The following UTRN variants were observed in gnomAD, a reference collection of about 807,000 sequenced individuals.
UTRN encodes the protein dystrophin-related protein 1.
Under a neutral mutation model 463.9 loss-of-function variants are expected in UTRN, and 283 were observed. That is an observed-to-expected ratio of 0.61 (90% CI 0.55 to 0.67). UTRN has a LOEUF of 0.67. Ranked by LOEUF, UTRN falls within the 30% of genes least tolerant of loss-of-function variation. The pLI is 0.00. For synonymous variants in UTRN, 1,442 were observed against 1,431.5 expected (o/e 1.01, Z -0.17); for missense variants, 3,922 against 4,084.3 (o/e 0.96, Z 1.08).
At chr6:144,841,843 G>C (rs546540895) in intron 73 of UTRN, among the ~76,000 whole-genome samples, 1 of 152,136 alleles carries the variant, frequency 6.6e-6, no homozygotes, top group South Asian at 2.1e-4. Context: ...TGGGCACGGT[G>C]GCTCACACCT....
chr6:144,591,586 G>A (rs1188144000), intron 51 of UTRN, among the ~76,000 whole-genome samples: 1 of 152,164 alleles, frequency 6.6e-6, no homozygotes, highest in Non-Finnish European at 1.5e-5. Context: ...AAGGAAAGAA[G>A]TCGTCTTTAC....
chr6:144,553,002 A>T (rs1389050806), intron 48 of UTRN, among the ~76,000 whole-genome samples: 1 of 152,232 alleles, frequency 6.6e-6, no homozygotes, highest in Non-Finnish European at 1.5e-5. Context: ...GAATGATGAC[A>T]TGTAAGTATA....
intron 65 of UTRN, among the ~76,000 whole-genome samples, chr6:144,807,619 C>T (rs1485845304): frequency 6.6e-6 from 1 of 152,094 alleles, no homozygotes; most frequent in East Asian, 1.9e-4. Context: ...CCCACCTTCT[C>T]ACAAAAACAG....
intron 52 of UTRN, among the ~76,000 whole-genome samples, chr6:144,684,801 C>G (rs1782580714): frequency 6.6e-6 from 1 of 152,154 alleles, no homozygotes; most frequent in South Asian, 2.1e-4. Flanking sequence ...CTGGACCTGT[C>G]TATCTACTGT....
At chr6:144,422,044 A>C in intron 4 of UTRN, 74 bp downstream of exon 4, 1 of 1,226,582 alleles carries the variant, frequency 8.2e-7, no homozygotes, top group Non-Finnish European at 1.1e-6. Context: ...GTGGGTACCC[A>C]TTAAAGTGAA....
intron 50 of UTRN, among the ~76,000 whole-genome samples, chr6:144,564,003 A>T (rs1187745805): frequency 1.3e-5 from 2 of 152,060 alleles, no homozygotes; most frequent in Non-Finnish European, 2.9e-5. Context: ...TTTTGTTTTC[A>T]TTTGTTTCTT....
chr6:144,747,689 G>A (rs1790911684), intron 54 of UTRN, among the ~76,000 whole-genome samples: 1 of 152,192 alleles, frequency 6.6e-6, no homozygotes, highest in African/African-American at 2.4e-5. Flanking sequence ...TCTGTGGGCT[G>A]CAGATGATGC....
chr6:144,699,761 G>A (rs1784398407), intron 52 of UTRN, among the ~76,000 whole-genome samples: 2 of 149,680 alleles, frequency 1.3e-5, no homozygotes, highest in African/African-American at 4.9e-5. Flanking sequence ...AATTTTGATA[G>A]TTATTACCAA....
chr6:144,402,509 T>C (rs1387015107), intron 2 of UTRN, among the ~76,000 whole-genome samples: 1 of 152,164 alleles, frequency 6.6e-6, no homozygotes, highest in Admixed American at 6.5e-5. Flanking sequence ...GAATTTGTAA[T>C]CAAAACCAAA....
chr6:144,842,960 G>A (rs978353604), intron 73 of UTRN, among the ~76,000 whole-genome samples: 10 of 152,146 alleles, frequency 6.6e-5, no homozygotes, highest in African/African-American at 9.7e-5. Flanking sequence ...TGTAACCACA[G>A]TAATAGATAA....
rs765603528 is a variant in UTRN at position 144,426,296 on chromosome 6, G to A, written c.415G>A (p.Val139Ile). 3.7e-6 allele frequency: 6 copies of A among 1,613,136 alleles called. No individual in the cohort carries two copies. The highest frequency in any genetic ancestry group is 1.7e-5 in the Admixed American group (1 of 59,934). The change falls in exon 7 of 75, where the codon GTC becomes ATC. Residue 139 changes from valine to isoleucine, a missense_variant. Physicochemically the swap from Val to Ile is conservative, Grantham distance 29. This residue lies in a region of UTRN where 264 missense variants were observed against 327.9 expected (regional missense o/e 0.81). Coordinates refer to ENST00000367545, the MANE Select transcript of UTRN (RefSeq NM_007124.3). ...SIILHWQVKDVMKDVMSDLQQ... is the reference protein window; with the variant it reads ...SIILHWQVKDIMKDVMSDLQQ... ...GGTTTCTCTTACATAGGTGAAAGAT[G>A]TCATGAAGGATGTCATGTCGGACCT... is the stretch of plus-strand genomic sequence containing the variant.
chr6:144,404,115 C>T (rs748120570), intron 3 of UTRN, among the ~76,000 whole-genome samples: 4 of 152,266 alleles, frequency 2.6e-5, no homozygotes, highest in Middle Eastern at 3.4e-3. Context: ...AAAAAATGCT[C>T]CACGTCCCAA....
At chr6:144,424,621 G>C (rs996485838) in intron 6 of UTRN, among the ~76,000 whole-genome samples, 1 of 151,910 alleles carries the variant, frequency 6.6e-6, no homozygotes, top group Non-Finnish European at 1.5e-5. Flanking sequence ...CTATTTTCCT[G>C]GCATAGGGAA....
At chr6:144,344,661 G>A (rs1412232028) in intron 2 of UTRN, among the ~76,000 whole-genome samples, 1 of 152,208 alleles carries the variant, frequency 6.6e-6, no homozygotes, top group Non-Finnish European at 1.5e-5. Flanking sequence ...TAGAGAAGAA[G>A]CCTCCTTTGT....
chr6:144,487,635 G>A lies in UTRN; in HGVS notation c.3910G>A (p.Asp1304Asn). The change falls in exon 29 of 75, where the codon GAT becomes AAT. Residue 1304 changes from aspartate to asparagine, a missense_variant. Asp to Asn is a conservative substitution (Grantham distance 23). This residue lies in a region of UTRN where 2,349 missense variants were observed against 2,303.8 expected (regional missense o/e 1.02). Coordinates refer to ENST00000367545, the MANE Select transcript of UTRN (RefSeq NM_007124.3). ...GQTLIDGGIL[D>N]DIISEKLEAF... ...GACTCTGATTGATGGGGGGATCCTG[G>A]ATGATATAATCAGTGAGAAACTGGA... 2.5e-6 allele frequency: 4 copies of A among 1,613,648 alleles called. No individual in the cohort carries two copies. The highest frequency in any genetic ancestry group is 3.4e-6 in the Non-Finnish European group (4 of 1,179,724).
intron 53 of UTRN, among the ~76,000 whole-genome samples, chr6:144,708,682 G>T (rs1339622382): frequency 2.0e-5 from 3 of 152,150 alleles, no homozygotes; most frequent in Non-Finnish European, 4.4e-5. Context: ...CAAATCTCAG[G>T]TTGTCTTTGC....
intron 53 of UTRN, among the ~76,000 whole-genome samples, chr6:144,705,804 A>T (rs1785035184): frequency 6.6e-6 from 1 of 152,134 alleles, no homozygotes; most frequent in African/African-American, 2.4e-5. Flanking sequence ...TTATTTAATT[A>T]TGTATATTCT....
At chr6:144,593,511 C>CA (rs1803331599) in intron 51 of UTRN, among the ~76,000 whole-genome samples, 2 of 152,244 alleles carry the variant, frequency 1.3e-5, no homozygotes, top group African/African-American at 4.8e-5. Flanking sequence ...CAATCAGAGG[C>CA]ATTTCCCATT....
intron 65 of UTRN, among the ~76,000 whole-genome samples, chr6:144,812,283 G>A (rs1056392513): frequency 6.6e-6 from 1 of 152,066 alleles, no homozygotes; most frequent in Non-Finnish European, 1.5e-5. Flanking sequence ...CGGTCTTTGG[G>A]GATAATAATA....
Sources: gnomAD v4.1 joint callset for allele counts (sites outside exome capture counted in the v4.1 genomes callset) on GRCh38, gnomAD v4.1.1 for gene constraint, gnomAD v4.1.1 regional missense constraint, MANE v1.5 for transcripts, NCBI Gene and HGNC (gene_info 2026-07-23, HGNC 2026-07-21) for gene names.